The following SLC35F1 variants were observed in gnomAD, a reference collection of about 807,000 sequenced individuals.
SLC35F1 encodes the protein chromosome 6 open reading frame 169.
In SLC35F1, 14 loss-of-function variants were observed where a neutral mutation model predicts 48.7. That is an observed-to-expected ratio of 0.29 (90% CI 0.19 to 0.45). The LOEUF (loss-of-function observed/expected upper bound fraction) is 0.45. Among genes scored for constraint, SLC35F1 ranks in the 20% least tolerant of loss-of-function variants. The pLI, the probability that SLC35F1 is intolerant of heterozygous loss-of-function variation, is 1.00. For synonymous variants in SLC35F1, 190 were observed against 202.2 expected (o/e 0.94, Z 0.51); for missense variants, 404 against 500.0 (o/e 0.81, Z 1.83).
chr6:118,037,558 A>G (rs771104124), intron 1 of SLC35F1, among the ~76,000 whole-genome samples: 1 of 152,158 alleles, frequency 6.6e-6, no homozygotes. Flanking sequence ...TCCTATAAAG[A>G]CACATGCACA....
At chr6:118,074,745 GCTCAAGTGACCCTCCAC>G (rs1198152164) in intron 1 of SLC35F1, among the ~76,000 whole-genome samples, 1 of 152,132 alleles carries the variant, frequency 6.6e-6, no homozygotes, top group East Asian at 1.9e-4. Flanking sequence ...GACCTCCTGG[GCTCAAGTGACCCTCCAC>G]CTCAGCCTTC....
rs147699330 is a variant in SLC35F1 at position 118,008,410 on chromosome 6, T to A, written c.173+100511T>A. ...GAGCAACTGAGAAATCTGCCTACCATGCCCATGCATGACATTGATATGTTG... is the reference window on the plus strand; with the variant it reads ...GAGCAACTGAGAAATCTGCCTACCAAGCCCATGCATGACATTGATATGTTG... On this transcript the variant is annotated intron_variant, in intron 1 of 7. Coordinates refer to ENST00000360388, the MANE Select transcript of SLC35F1 (RefSeq NM_001029858.4). Among the ~76,000 whole-genome samples the A allele has an allele frequency of 4.6e-4, 70 of 152,292 alleles. No individual in the cohort carries two copies. In the East Asian group the frequency reaches 0.011, roughly 24 times the overall value.
intron 1 of SLC35F1, among the ~76,000 whole-genome samples, chr6:117,942,324 G>A (rs763037306): frequency 5.3e-5 from 8 of 152,122 alleles, no homozygotes; most frequent in Non-Finnish European, 1.2e-4. Flanking sequence ...TCCAGGAAAG[G>A]GGGAGAAGAG....
In SLC35F1 at chr6:118,088,108, A is replaced by G. The variant is rs115182609; in HGVS notation, c.174-66337A>G. Among the ~76,000 whole-genome samples the G allele has an allele frequency of 6.6e-3, 1,003 of 152,342 alleles. 9 individuals are homozygous for G. Among genetic ancestry groups the G allele is most frequent in the African/African-American group, 0.023 (977 of 41,580 alleles). ...TGAGTTACTTTAATAGTTACTTTTA[A>G]TGGTTACTTTAATAGTTACTTAAAG... On this transcript the variant is annotated intron_variant, in intron 1 of 7. Transcript: ENST00000360388.
chr6:118,127,881 A>G (rs1281762656), intron 1 of SLC35F1, among the ~76,000 whole-genome samples: 4 of 151,926 alleles, frequency 2.6e-5, no homozygotes, highest in South Asian at 2.1e-4. Flanking sequence ...GCAACCTACA[A>G]AATGGGAGAA....
chr6:118,221,669 GA>G (rs1428254666), intron 2 of SLC35F1, among the ~76,000 whole-genome samples: 3 of 152,098 alleles, frequency 2.0e-5, no homozygotes, highest in African/African-American at 7.2e-5. Context: ...CAATCTTATA[GA>G]AAAGTAGACA....
At chr6:117,949,102 C>T (rs760205196) in intron 1 of SLC35F1, among the ~76,000 whole-genome samples, 13 of 152,090 alleles carry the variant, frequency 8.5e-5, no homozygotes, top group Non-Finnish European at 1.6e-4. Context: ...TGAGATGATA[C>T]AGTATTTATC....
chr6:118,156,516 G>C (rs1239893630), intron 2 of SLC35F1, among the ~76,000 whole-genome samples: 1 of 152,054 alleles, frequency 6.6e-6, no homozygotes, highest in African/African-American at 2.4e-5. Context: ...ACACACCAGG[G>C]CCTGTTGGGG....
At chr6:118,018,325 C>G (rs754836284) in intron 1 of SLC35F1, among the ~76,000 whole-genome samples, 3 of 151,382 alleles carry the variant, frequency 2.0e-5, no homozygotes, top group Admixed American at 6.6e-5. Context: ...GAGCTGAGAT[C>G]GCGCCACTGC....
chr6:118,174,154 G>A (rs1373092205), intron 2 of SLC35F1, among the ~76,000 whole-genome samples: 2 of 152,118 alleles, frequency 1.3e-5, no homozygotes, highest in East Asian at 3.9e-4. Flanking sequence ...TATACAAAAT[G>A]TGCAGATACA....
At chr6:118,236,223 C>T (rs1429574949) in intron 3 of SLC35F1, among the ~76,000 whole-genome samples, 5 of 151,974 alleles carry the variant, frequency 3.3e-5, no homozygotes, top group Non-Finnish European at 7.4e-5. Context: ...CCCTTCTTCC[C>T]TCTCCTTCTC....
At chr6:118,062,329 ATTTGCATCTATTTCAAATTATTTCTTT>A (rs1222050381) in intron 1 of SLC35F1, among the ~76,000 whole-genome samples, 2 of 152,162 alleles carry the variant, frequency 1.3e-5, no homozygotes, top group African/African-American at 4.8e-5. Context: ...AATGCCTTGT[ATTTGCATCTATTTCAAATTATTTCTTT>A]TTTATTTGAT....
intron 1 of SLC35F1, among the ~76,000 whole-genome samples, chr6:118,136,371 G>T (rs768895420): frequency 6.6e-5 from 10 of 152,102 alleles, no homozygotes; most frequent in Non-Finnish European, 1.2e-4. Context: ...ACTTCACATA[G>T]GCTCATTTTA....
At chr6:118,272,119 G>T (rs556791388) in intron 4 of SLC35F1, among the ~76,000 whole-genome samples, 3 of 152,270 alleles carry the variant, frequency 2.0e-5, no homozygotes, top group Non-Finnish European at 4.4e-5. Context: ...GCCTTTTATT[G>T]AGAATGTATA....
intron 2 of SLC35F1, among the ~76,000 whole-genome samples, chr6:118,177,339 T>G (rs780347844): frequency 1.3e-5 from 2 of 152,136 alleles, no homozygotes; most frequent in Non-Finnish European, 2.9e-5. Context: ...CTCCCTATCC[T>G]TTTGCTATCT....
At chr6:117,926,319 C>T (rs1423060909) in intron 1 of SLC35F1, among the ~76,000 whole-genome samples, 2 of 152,042 alleles carry the variant, frequency 1.3e-5, no homozygotes, top group South Asian at 2.1e-4. Flanking sequence ...TGCTTTCTAC[C>T]GTAATTATAA....
chr6:118,014,705 G>A (rs1380706161), intron 1 of SLC35F1, among the ~76,000 whole-genome samples: 1 of 152,124 alleles, frequency 6.6e-6, no homozygotes, highest in East Asian at 1.9e-4. Context: ...TTCTCAAGGA[G>A]ATTCAGAGAC....
Position 118,235,046 on chromosome 6 carries a change from A to C in SLC35F1, c.350-463A>C, listed in dbSNP as rs1775344786. On this transcript the variant is annotated intron_variant, in intron 2 of 7. Transcript: ENST00000360388. ...AACATTCAAAGCTGATCAGGAACTCAGGATAGCATCTCAGAGTCTTACTAC... is the reference window on the plus strand; with the variant it reads ...AACATTCAAAGCTGATCAGGAACTCCGGATAGCATCTCAGAGTCTTACTAC... Among the ~76,000 whole-genome samples, 7 of 152,338 alleles carry C rather than the reference A, an allele frequency of 4.6e-5. No homozygotes were observed. In the South Asian group the frequency reaches 1.4e-3, roughly 32 times the overall value.
chr6:118,096,233 C>T (rs1029919767), intron 1 of SLC35F1, among the ~76,000 whole-genome samples: 1 of 152,144 alleles, frequency 6.6e-6, no homozygotes, highest in African/African-American at 2.4e-5. Context: ...AATACTAATA[C>T]ATTTGAGGAA....
Sources: allele counts gnomAD v4.1 joint callset (sites outside exome capture counted in the v4.1 genomes callset), GRCh38; gene constraint gnomAD v4.1.1; transcripts MANE v1.5; gene names NCBI Gene and HGNC (gene_info 2026-07-23, HGNC 2026-07-21).